The following ADK variants were observed in gnomAD, a reference collection of about 807,000 sequenced individuals.
The protein encoded by ADK is N6,N6-dimethyladenosine kinase.
ADK carries 24 observed loss-of-function variants against 44.7 expected under a neutral mutation model. The ratio of observed to expected loss-of-function variants is 0.54; its 90% CI spans 0.39 to 0.76. The LOEUF (loss-of-function observed/expected upper bound fraction) is 0.76. ADK is among the 30% of genes least tolerant of loss of function. The probability of loss-of-function intolerance (pLI) is 0.00; values close to 1 mark genes in which losing one functional copy is unlikely to be tolerated. For missense variants in ADK, 321 were observed against 425.1 expected (o/e 0.76, Z 2.15); for synonymous variants, 128 against 142.6 (o/e 0.90, Z 0.73).
intron 6 of ADK, among the ~76,000 whole-genome samples, chr10:74,403,683 C>T (rs1843798403): frequency 6.6e-6 from 1 of 152,122 alleles, no homozygotes; most frequent in Admixed American, 6.5e-5. Context: ...ATTCCCCAAC[C>T]CCTTGCGCTT....
intron 6 of ADK, among the ~76,000 whole-genome samples, chr10:74,523,336 C>G (rs1848914036): frequency 6.6e-6 from 1 of 152,168 alleles, no homozygotes; most frequent in Non-Finnish European, 1.5e-5. Flanking sequence ...ATACTAAGTG[C>G]TTTCTGTTAA....
At chr10:74,239,422 A>G (rs1267876864) in intron 3 of ADK, among the ~76,000 whole-genome samples, 1 of 152,148 alleles carries the variant, frequency 6.6e-6, no homozygotes, top group Non-Finnish European at 1.5e-5. Flanking sequence ...CCTTGTAGAA[A>G]GAATAGGCTA....
At chr10:74,699,122 G>A (rs1351142579) in intron 10 of ADK, among the ~76,000 whole-genome samples, 1 of 147,236 alleles carries the variant, frequency 6.8e-6, no homozygotes, top group African/African-American at 2.5e-5. Context: ...CAGATTAGAG[G>A]TGAGGCATGA....
At chr10:74,462,469 G>A (rs986795657) in intron 6 of ADK, among the ~76,000 whole-genome samples, 2 of 152,010 alleles carry the variant, frequency 1.3e-5, no homozygotes, top group Non-Finnish European at 2.9e-5. Context: ...GTGTACACAA[G>A]CCACATTTTC....
chr10:74,223,950 A>G (rs1203790792), intron 2 of ADK, among the ~76,000 whole-genome samples: 1 of 152,104 alleles, frequency 6.6e-6, no homozygotes, highest in African/African-American at 2.4e-5. Context: ...TTAGCCAGGC[A>G]TGGTGGTGCG....
intron 9 of ADK, among the ~76,000 whole-genome samples, chr10:74,619,517 T>A (rs974520485): frequency 1.3e-5 from 2 of 152,130 alleles, no homozygotes; most frequent in African/African-American, 4.8e-5. Context: ...TTCTAAAGTA[T>A]CTGATTATTT....
intron 3 of ADK, among the ~76,000 whole-genome samples, chr10:74,281,015 T>G (rs919366872): frequency 1.3e-5 from 2 of 152,218 alleles, no homozygotes; most frequent in Non-Finnish European, 2.9e-5. Flanking sequence ...ATCCATAATT[T>G]GAAAATTTGA....
intron 7 of ADK, among the ~76,000 whole-genome samples, chr10:74,579,570 A>G (rs1051481058): frequency 1.3e-5 from 2 of 152,350 alleles, no homozygotes; most frequent in African/African-American, 4.8e-5. Flanking sequence ...TACAATTTCC[A>G]TAGCATTCTG....
At chr10:74,564,608 A>G (rs540781158) in intron 7 of ADK, among the ~76,000 whole-genome samples, 2 of 151,986 alleles carry the variant, frequency 1.3e-5, no homozygotes, top group Non-Finnish European at 2.9e-5. Context: ...ACGTTTGTAT[A>G]CAATACTATA....
chr10:74,506,920 T>A (rs2133484833), intron 6 of ADK, among the ~76,000 whole-genome samples: 1 of 152,348 alleles, frequency 6.6e-6, no homozygotes, highest in South Asian at 2.1e-4. Flanking sequence ...TATCACAAAT[T>A]TCCAAAAAAT....
chr10:74,196,802 C>G (rs1437179276), intron 1 of ADK, among the ~76,000 whole-genome samples: 1 of 152,122 alleles, frequency 6.6e-6, no homozygotes, highest in Admixed American at 6.6e-5. Context: ...TGTAACAGAC[C>G]TGCACTTGTA....
At chr10:74,665,777 GA>G (rs1854929776) in intron 9 of ADK, among the ~76,000 whole-genome samples, 1 of 127,298 alleles carries the variant, frequency 7.9e-6, no homozygotes, top group East Asian at 2.6e-4. Context: ...GAGAGAGAGA[GA>G]GAGACAGACA....
intron 9 of ADK, among the ~76,000 whole-genome samples, chr10:74,642,827 C>CTTTT (rs770015945): frequency 1.2e-4 from 9 of 77,470 alleles, no homozygotes; most frequent in South Asian, 9.0e-4. Flanking sequence ...ATCTTAAGTT[C>CTTTT]TTTTTTTTTT....
chr10:74,369,536 A>G (rs1243065945), intron 4 of ADK, among the ~76,000 whole-genome samples: 4 of 152,204 alleles, frequency 2.6e-5, no homozygotes, highest in Admixed American at 2.6e-4. Context: ...GATTAAAGAA[A>G]ATTTGTGTGT....
At chr10:74,417,173 A>G (rs369150276) in intron 6 of ADK, among the ~76,000 whole-genome samples, 1 of 152,140 alleles carries the variant, frequency 6.6e-6, no homozygotes, top group East Asian at 1.9e-4. Flanking sequence ...TTTTATAAAA[A>G]TAAAGTGGGG....
chr10:74,156,881 A>G (rs919933823), intron 1 of ADK, among the ~76,000 whole-genome samples: 3 of 152,248 alleles, frequency 2.0e-5, no homozygotes, highest in African/African-American at 4.8e-5. Context: ...AGGAAAAGAT[A>G]TAGATATACT....
At chr10:74,151,984 T>C (rs546372160) in intron 1 of ADK, among the ~76,000 whole-genome samples, 1 of 152,342 alleles carries the variant, frequency 6.6e-6, no homozygotes, top group East Asian at 1.9e-4. Flanking sequence ...TCACATGTGA[T>C]TGATGTTGCA....
intron 4 of ADK, among the ~76,000 whole-genome samples, chr10:74,370,202 A>G (rs745578506): frequency 6.6e-6 from 1 of 152,226 alleles, no homozygotes; most frequent in Non-Finnish European, 1.5e-5. Flanking sequence ...AGCTATATAC[A>G]TAAGCCAAAA....
intron 4 of ADK, among the ~76,000 whole-genome samples, chr10:74,369,587 A>C (rs1842596113): frequency 6.6e-6 from 1 of 152,220 alleles, no homozygotes; most frequent in African/African-American, 2.4e-5. Flanking sequence ...ATAAAATCCA[A>C]CATCCATTCC....
Sources: gnomAD v4.1 joint callset for allele counts (sites outside exome capture counted in the v4.1 genomes callset) on GRCh38, gnomAD v4.1.1 for gene constraint, MANE v1.5 for transcripts, NCBI Gene and HGNC (gene_info 2026-07-23, HGNC 2026-07-21) for gene names.